Variants in PAAF1 observed in about 807,000 individuals in gnomAD.
PAAF1 encodes the protein proteasomal ATPase-associated factor 1.
In PAAF1, 46 loss-of-function variants were observed where a neutral mutation model predicts 52.8. That is an observed-to-expected ratio of 0.87 (90% CI 0.69 to 1.11). PAAF1 has a LOEUF of 1.11. Ranked by LOEUF, PAAF1 falls within the 50% of genes most tolerant of loss-of-function variation. The pLI, the probability that PAAF1 is intolerant of heterozygous loss-of-function variation, is 0.00. For missense variants in PAAF1, 424 were observed against 477.4 expected, an observed-to-expected ratio of 0.89 and a Z score of 1.04; for synonymous variants, 178 against 172.8, an observed-to-expected ratio of 1.03 and a Z score of -0.24.
intron 5 of PAAF1, among the ~76,000 whole-genome samples, chr11:73,899,865 G>A (rs142619497): frequency 6.6e-6 from 1 of 152,164 alleles, no homozygotes; most frequent in Non-Finnish European, 1.5e-5. Context: ...AGACAGAATA[G>A]CTTGGCTGTT....
rs767829334 is a variant in PAAF1, at chr11:73,919,012, A to G, written c.998A>G (p.Asp333Gly). The G allele has an allele frequency of 3.1e-6, 5 of 1,613,976 alleles. No homozygotes were observed. The highest frequency in any genetic ancestry group is 4.2e-6 in the Non-Finnish European group (5 of 1,179,958). ...APVLSLLSVR[D>G]GFIASQGDGS... Reference sequence around the variant, plus strand: ...GTTCTATCCCTGCTAAGTGTCAGAGATGGATTCATTGCTAGCCAAGGTGGG... The same window carrying G: ...GTTCTATCCCTGCTAAGTGTCAGAGGTGGATTCATTGCTAGCCAAGGTGGG... Residue 333 changes from aspartate to glycine, a missense_variant, in exon 10 of 12, where the codon GAT (aspartate) becomes GGT (glycine). By Grantham distance (94) the Asp-to-Gly change is moderately conservative (BLOSUM62 -1). Transcript: ENST00000310571.
rs143826485 is a variant in PAAF1 at position 73,887,438 on chromosome 11, C to A, written c.173C>A (p.Thr58Asn). Reference protein sequence around the residue: ...IPEVTASEGFTVNEINKKSIH... With the variant: ...IPEVTASEGFNVNEINKKSIH... ...GAGGTTACAGCTTCAGAAGGATTTA[C>A]TGTGAATGAAATAAACAAGGTATGT... Residue 58 changes from threonine (T) to asparagine (N), a missense_variant, in exon 3 of 12, where the codon ACT becomes AAT. Thr to Asn is a moderately conservative substitution (Grantham distance 65). Transcript: ENST00000310571. The A allele has an allele frequency of 4.4e-6, 7 of 1,602,982 alleles. No individual in the cohort carries two copies. In the African/African-American group the frequency reaches 9.4e-5, roughly 22 times the overall value.
chr11:73,900,899 G>C (rs951810732), intron 6 of PAAF1, among the ~76,000 whole-genome samples: 1 of 148,022 alleles, frequency 6.8e-6, no homozygotes, highest in Admixed American at 6.8e-5. Context: ...GGAGAATGGC[G>C]TGAACCCGGG....
intron 4 of PAAF1, among the ~76,000 whole-genome samples, chr11:73,895,845 G>A (rs185325049): frequency 1.3e-5 from 2 of 152,314 alleles, no homozygotes; most frequent in East Asian, 1.9e-4. Flanking sequence ...GGTGGCTCAC[G>A]CCTGTGATCC....
intron 8 of PAAF1, 47 bp downstream of exon 8, chr11:73,914,551 A>T (rs377635141): frequency 1.3e-5 from 20 of 1,519,842 alleles, no homozygotes; most frequent in East Asian, 2.3e-5. Flanking sequence ...AACCTGGGTC[A>T]CTCTGTGTCT....
rs545190629 is a variant in PAAF1, at chr11:73,883,148, T to G, written c.89-4206T>G. ...ACTCCTGTGTTTATTTTTTAATACATGGGGTCTCGCTGTGTTTCCCAGGTG... is the reference window on the plus strand; with the variant it reads ...ACTCCTGTGTTTATTTTTTAATACAGGGGGTCTCGCTGTGTTTCCCAGGTG... On this transcript the variant is annotated intron_variant, in intron 2 of 11. Transcript: ENST00000310571. 4.6e-5 allele frequency among the ~76,000 whole-genome samples: 7 copies of G among 152,148 alleles called. No homozygotes were observed. The East Asian group carries it at 1.4e-3, about 29-fold the overall frequency.
chr11:73,896,950 C>G (rs564996181), intron 4 of PAAF1, among the ~76,000 whole-genome samples: 2 of 146,534 alleles, frequency 1.4e-5, no homozygotes, highest in African/African-American at 2.5e-5. Flanking sequence ...ACCTCCCTCC[C>G]CGACGGGGCG....
At position 73,898,740 on chromosome 11, in the gene PAAF1, G is replaced by T. The variant is rs541857172; in HGVS notation, c.283-406G>T. Among the ~76,000 whole-genome samples the T allele has an allele frequency of 7.9e-5, 12 of 152,170 alleles. No individual in the cohort carries two copies. The East Asian group carries it at 2.3e-3, about 29-fold the overall frequency. ...GAGGCAGGAGAATCACTTGAGCCTGGGAGGCAGAGGTTGCAGTGAGCTGAG... is the reference window on the plus strand; with the variant it reads ...GAGGCAGGAGAATCACTTGAGCCTGTGAGGCAGAGGTTGCAGTGAGCTGAG... On this transcript the variant is annotated intron_variant, in intron 4 of 11. Transcript: ENST00000310571.
rs369047733 is a variant in PAAF1 at position 73,909,486 on chromosome 11, G to T, written c.620G>T (p.Arg207Leu). 5.0e-6 allele frequency: 8 copies of T among 1,614,064 alleles called. No homozygotes were observed. In the African/African-American group the frequency reaches 1.1e-4, roughly 22 times the overall value. Reference protein sequence around the residue: ...DGTARLWDCGRSACLGVLADC... With the variant: ...DGTARLWDCGLSACLGVLADC... ...ACAGCACGACTTTGGGATTGTGGGCGCTCAGCCTGCTTGGGAGTCCTTGCA... is the reference window on the plus strand; with the variant it reads ...ACAGCACGACTTTGGGATTGTGGGCTCTCAGCCTGCTTGGGAGTCCTTGCA... The change falls in exon 7 of 12, where the codon CGC (arginine) becomes CTC (leucine). Residue 207 changes from arginine to leucine, a missense_variant. By Grantham distance (102) the Arg-to-Leu change is moderately radical. Transcript: ENST00000310571.
In PAAF1 at chr11:73,891,164, C is replaced by T. The variant is rs1292570178; in HGVS notation, c.245C>T (p.Ala82Val). ...PKENASSKFL[A>V]PYTTFSRIHT... ...GAAAATGCATCTTCTAAGTTTTTGG[C>T]ACCATATACTACTTTTTCCAGAATT... The change falls in exon 4 of 12, where the codon GCA becomes GTA. Residue 82 changes from alanine to valine, a missense_variant. Ala to Val is a moderately conservative substitution (Grantham distance 64). Transcript: ENST00000310571. The T allele has an allele frequency of 1.3e-6, 2 of 1,598,130 alleles. No homozygotes were observed. Among genetic ancestry groups the T allele is most frequent in the Non-Finnish European group, 8.6e-7 (1 of 1,167,090 alleles).
At chr11:73,878,399 AAAT>A (rs1437936678) in intron 1 of PAAF1, among the ~76,000 whole-genome samples, 3 of 152,350 alleles carry the variant, frequency 2.0e-5, no homozygotes, top group South Asian at 4.1e-4. Flanking sequence ...GCAGGTGCTA[AAAT>A]AATAAAAGGA....
intron 2 of PAAF1, among the ~76,000 whole-genome samples, chr11:73,885,420 G>A (rs971435628): frequency 6.6e-6 from 1 of 151,880 alleles, no homozygotes; most frequent in Non-Finnish European, 1.5e-5. Flanking sequence ...GAGATTACAG[G>A]TGTGAGCCAC....
At chr11:73,900,671 C>T (rs992718263) in intron 6 of PAAF1, among the ~76,000 whole-genome samples, 2 of 152,088 alleles carry the variant, frequency 1.3e-5, no homozygotes, top group Non-Finnish European at 2.9e-5. Flanking sequence ...TGGTGCATGC[C>T]TGTAATCCCA....
In PAAF1 at chr11:73,894,634, TA is replaced by T. The variant is rs74818755; in HGVS notation, c.282+3442del. Among the ~76,000 whole-genome samples the T allele has an allele frequency of 2.2e-3, 320 of 148,082 alleles. 2 individuals carry two copies. Among genetic ancestry groups the T allele is most frequent in the African/African-American group, 7.5e-3 (300 of 40,238 alleles). On this transcript the variant is annotated intron_variant, in intron 4 of 11. Coordinates refer to ENST00000310571, the MANE Select transcript of PAAF1 (RefSeq NM_025155.3). ...TACCCTAAAACTTAAAGTATAATAATAAAAAAAAATCTACTAAAAAAAATAA... is the reference window on the plus strand; with the variant it reads ...TACCCTAAAACTTAAAGTATAATAATAAAAAAAATCTACTAAAAAAAATAA...
At chr11:73,924,501 C>CT in intron 10 of PAAF1, 114 bp from the exon 11 acceptor site, 3 of 848,412 alleles carry the variant, frequency 3.5e-6, no homozygotes, top group Non-Finnish European at 5.6e-6. Flanking sequence ...CATTCTGGGT[C>CT]TTTGGACCAT....
Position 73,900,377 on chromosome 11 carries a change from T to C in PAAF1, c.489T>C (p.Ala163=). Residue 163 remains alanine (A), a synonymous_variant, in exon 6 of 12, where the codon GCT becomes GCC. Transcript: ENST00000310571. ...ATGCCCAGCTGAAGATATGGTCAGC[T>C]GAAGATGCTAGCTGCGTGGTGACCT... is the stretch of plus-strand genomic sequence containing the variant. ...GMDAQLKIWS[A]EDASCVVTFK... is the part of the protein sequence containing the mutation. 6.2e-7 allele frequency: 1 copy of C among 1,612,598 alleles called. No individual in the cohort carries two copies. Among genetic ancestry groups the C allele is most frequent in the Non-Finnish European group, 8.5e-7 (1 of 1,178,874 alleles).
rs948524919 is a variant in PAAF1, at chr11:73,930,309, G to A, written c.*2947G>A. 2.0e-5 allele frequency: 3 copies of A among 151,354 alleles called. No individual in the cohort carries two copies. Among genetic ancestry groups the A allele is most frequent in the African/African-American group, 7.3e-5 (3 of 41,108 alleles). 9.4% of individuals were successfully genotyped at this position (151,354 alleles called of 1,614,324 possible). On this transcript the variant is annotated 3_prime_UTR_variant, in exon 12 of 12. Coordinates refer to ENST00000310571, the MANE Select transcript of PAAF1 (RefSeq NM_025155.3). ...GGTGTGAACCTGGCAGGCAGAGCTT[G>A]CAGTAAGCTGAGATCGGGCCACAGC...
intron 11 of PAAF1, among the ~76,000 whole-genome samples, chr11:73,925,704 C>T (rs1950335849): frequency 6.6e-6 from 1 of 151,976 alleles, no homozygotes; most frequent in Admixed American, 6.6e-5. Context: ...CTGTGCTGAA[C>T]GTTTTATATA....
chr11:73,896,926 G>C lies in PAAF1; in HGVS notation c.283-2220G>C, dbSNP rs945141725. On this transcript the variant is annotated intron_variant, in intron 4 of 11. Transcript: ENST00000310571. Reference sequence around the variant, plus strand: ...GACGGGGCGGCTGGCCGGACGGGGGGGCTGACCCCCCAGACCTCCCTCCCC... The same window carrying C: ...GACGGGGCGGCTGGCCGGACGGGGGCGCTGACCCCCCAGACCTCCCTCCCC... 1.1e-4 allele frequency among the ~76,000 whole-genome samples: 17 copies of C among 149,730 alleles called. 1 individual carries two copies. The highest frequency in any genetic ancestry group is 7.2e-4 in the Admixed American group (11 of 15,200).
Sources: allele counts gnomAD v4.1 joint callset (sites outside exome capture counted in the v4.1 genomes callset), GRCh38; gene constraint gnomAD v4.1.1; transcripts MANE v1.5; gene names NCBI Gene and HGNC (gene_info 2026-07-23, HGNC 2026-07-21).